Variants in GNB4 observed in about 807,000 individuals in gnomAD.
GNB4 encodes guanine nucleotide-binding protein subunit beta-4.
In GNB4, 28 loss-of-function variants were observed where a neutral mutation model predicts 45.2. The observed-to-expected ratio is 0.62, with a 90% CI of 0.46 to 0.85. The LOEUF (loss-of-function observed/expected upper bound fraction) is 0.85. Among genes scored for constraint, GNB4 ranks in the 40% least tolerant of loss-of-function variants. The pLI is 0.00. For synonymous variants in GNB4, 132 were observed against 143.7 expected (o/e 0.92, Z 0.58); for missense variants, 321 against 425.4 (o/e 0.75, Z 2.16).
At chr3:179,451,904 AGAAAGTAAACT>A (rs1715892463), upstream of GNB4, among the ~76,000 whole-genome samples, 1 of 152,176 alleles carries the variant, frequency 6.6e-6, no homozygotes, top group Non-Finnish European at 1.5e-5. Context: ...TCTAAATGTC[AGAAAGTAAACT>A]GAAGCCCAGA....
chr3:179,510,908 T>C, the GNB4 span, among the ~76,000 whole-genome samples: 2 of 152,188 alleles, frequency 1.3e-5, no homozygotes, highest in African/African-American at 4.8e-5. Context: ...CCATGAGATA[T>C]GAATCTGGGC....
chr3:179,471,835 T>C, the GNB4 span, among the ~76,000 whole-genome samples: 1 of 152,224 alleles, frequency 6.6e-6, no homozygotes, highest in South Asian at 2.1e-4. Flanking sequence ...ATTTTAAATT[T>C]TAAATAAAGT....
At chr3:179,431,764 A>G (rs1715318366) in intron 1 of GNB4, among the ~76,000 whole-genome samples, 1 of 152,134 alleles carries the variant, frequency 6.6e-6, no homozygotes, top group African/African-American at 2.4e-5. Context: ...ATACTGTAGC[A>G]CATCAGGATG....
chr3:179,445,928 C>G (rs1715709615), intron 1 of GNB4, among the ~76,000 whole-genome samples: 1 of 152,108 alleles, frequency 6.6e-6, no homozygotes, highest in Non-Finnish European at 1.5e-5. Context: ...AACAATTAAG[C>G]TGTTACTGCC....
At chr3:179,497,093 G>T in the GNB4 span, among the ~76,000 whole-genome samples, 1 of 151,930 alleles carries the variant, frequency 6.6e-6, no homozygotes, top group Non-Finnish European at 1.5e-5. Context: ...ATTTTAGATT[G>T]ATTTCAAATT....
intron 8 of GNB4, among the ~76,000 whole-genome samples, chr3:179,412,139 T>G (rs547859070): frequency 6.6e-6 from 1 of 152,086 alleles, no homozygotes; most frequent in African/African-American, 2.4e-5. Flanking sequence ...GGTTTTCTGT[T>G]TAGGTAGTTT....
the GNB4 span, among the ~76,000 whole-genome samples, chr3:179,501,797 C>G: frequency 6.6e-6 from 1 of 152,166 alleles, no homozygotes; most frequent in African/African-American, 2.4e-5. Context: ...GTTGTGTATT[C>G]AATCCTTCAT....
the GNB4 span, among the ~76,000 whole-genome samples, chr3:179,510,930 T>G: frequency 0.031 from 4,744 of 152,286 alleles, 216 homozygotes; most frequent in African/African-American, 0.1. Context: ...CGCCTGAAGT[T>G]TGGCGAATTT....
chr3:179,458,090 A>C, the GNB4 span, among the ~76,000 whole-genome samples: 1 of 152,172 alleles, frequency 6.6e-6, no homozygotes, highest in African/African-American at 2.4e-5. Flanking sequence ...TTTTCAGTAC[A>C]GACGGGGTTT....
At position 179,401,692 on chromosome 3, in the gene GNB4, C is replaced by T. The variant is rs188417544; in HGVS notation, c.917-373G>A. On this transcript the variant is annotated intron_variant, in intron 9 of 9. Coordinates refer to ENST00000232564, the MANE Select transcript of GNB4 (RefSeq NM_021629.4). ...GCTACTGAGCTATGTATGCTATTCT[C>T]AACAAAAACAAGATTTTCAATGAAG... is the stretch of plus-strand genomic sequence containing the variant. Among the ~76,000 whole-genome samples the T allele has an allele frequency of 3.0e-4, 46 of 152,252 alleles. No individual in the cohort carries two copies. The East Asian group carries it at 6.9e-3, about 23-fold the overall frequency.
intron 4 of GNB4, among the ~76,000 whole-genome samples, chr3:179,418,331 G>A (rs28507969): frequency 3.4e-4 from 52 of 151,762 alleles, no homozygotes; most frequent in African/African-American, 1.2e-3. Context: ...TTAGTCAGGC[G>A]TGGTTGTGGA....
chr3:179,441,350 C>T (rs769445861), intron 1 of GNB4, among the ~76,000 whole-genome samples: 1 of 152,208 alleles, frequency 6.6e-6, no homozygotes, highest in Non-Finnish European at 1.5e-5. Context: ...GGGCTACTAA[C>T]CCGTACTGCA....
upstream of GNB4, among the ~76,000 whole-genome samples, chr3:179,453,127 ATTCT>A (rs1437865415): frequency 2.0e-5 from 3 of 152,070 alleles, no homozygotes; most frequent in Non-Finnish European, 2.9e-5. Context: ...CAAAGCCCAC[ATTCT>A]TTCTTTTTTT....
the GNB4 span, among the ~76,000 whole-genome samples, chr3:179,467,616 G>A: frequency 1.3e-5 from 2 of 152,114 alleles, no homozygotes; most frequent in Non-Finnish European, 2.9e-5. Context: ...TAACCAAAGT[G>A]ATTTACTCAA....
the GNB4 span, among the ~76,000 whole-genome samples, chr3:179,482,349 A>G: frequency 5.3e-5 from 8 of 152,358 alleles, no homozygotes; most frequent in South Asian, 1.2e-3. Context: ...CTAGAGGCTC[A>G]TAAAGTACTT....
At chr3:179,454,201 C>T (rs911898165), upstream of GNB4, among the ~76,000 whole-genome samples, 2 of 152,118 alleles carry the variant, frequency 1.3e-5, no homozygotes, top group African/African-American at 4.8e-5. Flanking sequence ...CTCATTAGGC[C>T]CATGTTCTCA....
intron 2 of GNB4, among the ~76,000 whole-genome samples, chr3:179,422,334 A>G (rs1346826112): frequency 6.6e-6 from 1 of 152,118 alleles, no homozygotes; most frequent in East Asian, 1.9e-4. Flanking sequence ...CCATTATAAA[A>G]CAGAATATAA....
At chr3:179,507,598 C>G in the GNB4 span, among the ~76,000 whole-genome samples, 2 of 152,180 alleles carry the variant, frequency 1.3e-5, no homozygotes, top group African/African-American at 4.8e-5. Context: ...CTCCAGCTCC[C>G]TCTGCCTGGA....
chr3:179,401,968 A>G (rs1381449947), intron 9 of GNB4, among the ~76,000 whole-genome samples: 1 of 151,774 alleles, frequency 6.6e-6, no homozygotes, highest in Non-Finnish European at 1.5e-5. Flanking sequence ...AAGATTAATA[A>G]GAAAAATTAG....
Sources: allele counts gnomAD v4.1 joint callset (sites outside exome capture counted in the v4.1 genomes callset), GRCh38; gene constraint gnomAD v4.1.1; transcripts MANE v1.5; gene names NCBI Gene and HGNC (gene_info 2026-07-23, HGNC 2026-07-21).